SPRR2G: variants seen among roughly 807,000 people sequenced by gnomAD.
SPRR2G encodes the protein small proline-rich protein 2G.
In SPRR2G, 1 loss-of-function variant was observed where a neutral mutation model predicts 0.7. The ratio of observed to expected loss-of-function variants is 1.49; its 90% CI spans 0.53 to 7.06. The LOEUF (loss-of-function observed/expected upper bound fraction) is 7.06, where lower values mean the gene tolerates loss of function less well. Among genes scored for constraint, SPRR2G ranks in the 30% most tolerant of loss-of-function variants. The probability of loss-of-function intolerance (pLI) is 0.14; values close to 1 mark genes in which losing one functional copy is unlikely to be tolerated. For synonymous variants in SPRR2G, 38 were observed against 33.9 expected, an observed-to-expected ratio of 1.12 and a Z score of -0.42; for missense variants, 96 against 88.5, an observed-to-expected ratio of 1.09 and a Z score of -0.34.
chr1:153,160,347 G>A, the SPRR2G span, among the ~76,000 whole-genome samples: 1 of 152,240 alleles, frequency 6.6e-6, no homozygotes, highest in African/African-American at 2.4e-5. Flanking sequence ...CTTGGGTATT[G>A]TGAATAATGC....
At chr1:153,154,899 G>A (rs1295376393), upstream of SPRR2G, among the ~76,000 whole-genome samples, 2 of 152,086 alleles carry the variant, frequency 1.3e-5, no homozygotes, top group Non-Finnish European at 2.9e-5. Context: ...CAGATAAACT[G>A]AGTCATTCTC....
At chr1:153,175,440 C>G in the SPRR2G span, among the ~76,000 whole-genome samples, 1 of 152,196 alleles carries the variant, frequency 6.6e-6, no homozygotes, top group Non-Finnish European at 1.5e-5. Context: ...TTTGGCTTAA[C>G]AGGCCCTGGT....
upstream of SPRR2G, among the ~76,000 whole-genome samples, chr1:153,152,159 TG>T (rs1656484266): frequency 2.0e-5 from 3 of 152,184 alleles, no homozygotes. Context: ...AACTCTAAAA[TG>T]TAGAAGAAAT....
chr1:153,150,016 C>A lies in SPRR2G; in HGVS notation c.95G>T (p.Cys32Phe), dbSNP rs1279361828. 1 of 1,613,682 alleles carries A rather than the reference C, an allele frequency of 6.2e-7. No individual in the cohort carries two copies. Among genetic ancestry groups the A allele is most frequent in the Non-Finnish European group, 8.5e-7 (1 of 1,179,924 alleles). ...AGGAGGAGGCAGGTAAGGCTCAGGG[C>A]ACTTCGGGGGTGGACATGGCTCTGG... Reference protein sequence around the residue: ...KCPEPCPPPKCPEPYLPPPCP... With the variant: ...KCPEPCPPPKFPEPYLPPPCP... Residue 32 changes from cysteine (C) to phenylalanine (F), a missense_variant, in exon 2 of 2, where the codon TGC (cysteine) becomes TTC (phenylalanine). By Grantham distance (205) the Cys-to-Phe change is radical. Coordinates refer to ENST00000368748, the MANE Select transcript of SPRR2G (RefSeq NM_001014291.4).
At chr1:153,167,815 T>A in the SPRR2G span, among the ~76,000 whole-genome samples, 1 of 152,228 alleles carries the variant, frequency 6.6e-6, no homozygotes, top group Non-Finnish European at 1.5e-5. Flanking sequence ...CCAAAAGTCA[T>A]GTTTGCCCTC....
the SPRR2G span, among the ~76,000 whole-genome samples, chr1:153,161,648 T>A: frequency 5.3e-5 from 8 of 152,324 alleles, no homozygotes; most frequent in Admixed American, 5.2e-4. Context: ...ATAACTTGCA[T>A]TAAATCATTA....
At chr1:153,165,955 G>A in the SPRR2G span, among the ~76,000 whole-genome samples, 34 of 152,208 alleles carry the variant, frequency 2.2e-4, no homozygotes, top group African/African-American at 7.5e-4. Context: ...CTTGTCCTGT[G>A]TTGGAATCAG....
rs1557933214 is a variant in SPRR2G, at chr1:153,150,045, C to G, written c.66G>C (p.Lys22Asn). Residue 22 changes from lysine (K) to asparagine (N), a missense_variant, in exon 2 of 2, where the codon AAG becomes AAC. By Grantham distance (94) the Lys-to-Asn change is moderately conservative. Transcript: ENST00000368748. ...TCGGGGGTGGACATGGCTCTGGGCA[C>G]TTTGGCGTGGGGCACACAGGAGGTG... ...CQPPPVCPTP[K>N]CPEPCPPPKC... 1.9e-6 allele frequency: 3 copies of G among 1,613,436 alleles called. No homozygotes were observed. The highest frequency in any genetic ancestry group is 2.2e-5 in the East Asian group (1 of 44,874).
chr1:153,192,293 G>A, the SPRR2G span, among the ~76,000 whole-genome samples: 4 of 152,174 alleles, frequency 2.6e-5, no homozygotes, highest in Non-Finnish European at 4.4e-5. Context: ...AGTGCAACTG[G>A]CAGGAGTTTC....
At chr1:153,191,905 C>A in the SPRR2G span, among the ~76,000 whole-genome samples, 1 of 152,310 alleles carries the variant, frequency 6.6e-6, no homozygotes, top group South Asian at 2.1e-4. Context: ...ACCTTTAATT[C>A]AATAATCATT....
the SPRR2G span, among the ~76,000 whole-genome samples, chr1:153,196,570 C>T: frequency 6.6e-6 from 1 of 152,112 alleles, no homozygotes; most frequent in Admixed American, 6.5e-5. Flanking sequence ...AAAAGAAGAT[C>T]ATTAGGGAAA....
the SPRR2G span, among the ~76,000 whole-genome samples, chr1:153,159,417 T>C: frequency 5.7e-4 from 87 of 152,340 alleles, no homozygotes; most frequent in Admixed American, 1.4e-3. Context: ...TCCATATCTC[T>C]ATCAGCATTT....
chr1:153,162,331 C>T, the SPRR2G span, among the ~76,000 whole-genome samples: 1 of 152,220 alleles, frequency 6.6e-6, no homozygotes, highest in Non-Finnish European at 1.5e-5. Context: ...CGGCAAAGCA[C>T]ATGACCTCAT....
At chr1:153,167,797 C>T in the SPRR2G span, among the ~76,000 whole-genome samples, 1 of 152,142 alleles carries the variant, frequency 6.6e-6, no homozygotes, top group Admixed American at 6.5e-5. Flanking sequence ...GCTTCATTGT[C>T]ATTTGGACCA....
the SPRR2G span, chr1:153,190,389 C>G: frequency 6.6e-6 from 1 of 152,336 alleles, no homozygotes; most frequent in Non-Finnish European, 1.5e-5. Context: ...AAGATGCTAC[C>G]TGTCTTCAGA....
chr1:153,195,412 C>T, the SPRR2G span, among the ~76,000 whole-genome samples: 3 of 152,180 alleles, frequency 2.0e-5, no homozygotes, highest in East Asian at 1.9e-4. Context: ...AAACAGCAGA[C>T]CTGCTCTCCA....
the SPRR2G span, among the ~76,000 whole-genome samples, chr1:153,162,137 T>A: frequency 6.6e-6 from 1 of 152,192 alleles, no homozygotes; most frequent in Non-Finnish European, 1.5e-5. Context: ...TAGTTATTTT[T>A]CCTGATCCTC....
chr1:153,164,948 TTCTCACC>T, the SPRR2G span, among the ~76,000 whole-genome samples: 1 of 152,220 alleles, frequency 6.6e-6, no homozygotes, highest in Non-Finnish European at 1.5e-5. Flanking sequence ...CCCTACACAC[TTCTCACC>T]TCTCCCTGGT....
the SPRR2G span, among the ~76,000 whole-genome samples, chr1:153,160,621 G>T: frequency 6.6e-6 from 1 of 151,960 alleles, no homozygotes; most frequent in Non-Finnish European, 1.5e-5. Flanking sequence ...GGAGAAATAG[G>T]AACACTTTTA....
Sources: allele counts gnomAD v4.1 joint callset (sites outside exome capture counted in the v4.1 genomes callset), GRCh38; gene constraint gnomAD v4.1.1; transcripts MANE v1.5; gene names NCBI Gene and HGNC (gene_info 2026-07-23, HGNC 2026-07-21).